SLC6A15: variants seen among roughly 807,000 people sequenced by gnomAD.
SLC6A15 encodes the protein solute carrier family 6 member 15.
In SLC6A15, 33 loss-of-function variants were observed where a neutral mutation model predicts 68.5. The ratio of observed to expected loss-of-function variants is 0.48; its 90% confidence interval spans 0.37 to 0.64. SLC6A15 has a LOEUF of 0.64. Among genes scored for constraint, SLC6A15 ranks in the 30% least tolerant of loss-of-function variants. The pLI, the probability that SLC6A15 is intolerant of heterozygous loss-of-function variation, is 0.00. For synonymous variants in SLC6A15, 347 were observed against 301.0 expected, an observed-to-expected ratio of 1.15 and a Z score of -1.58; for missense variants, 747 against 874.3, an observed-to-expected ratio of 0.85 and a Z score of 1.84.
chr12:84,890,623 A>G (rs1872344513), intron 2 of SLC6A15, among the ~76,000 whole-genome samples: 1 of 152,302 alleles, frequency 6.6e-6, no homozygotes, highest in African/African-American at 2.4e-5. Context: ...TGCCAAATGG[A>G]CTACTTTTTC....
intron 2 of SLC6A15, among the ~76,000 whole-genome samples, chr12:84,890,863 T>A (rs2120670822): frequency 6.6e-6 from 1 of 152,340 alleles, no homozygotes; most frequent in Non-Finnish European, 1.5e-5. Context: ...AATACCAAAA[T>A]ATTCTTTATA....
chr12:84,868,284 A>G (rs1322453896), intron 9 of SLC6A15, among the ~76,000 whole-genome samples: 1 of 152,224 alleles, frequency 6.6e-6, no homozygotes, highest in African/African-American at 2.4e-5. Flanking sequence ...TTAAATTTAA[A>G]TGCTTATCAC....
chr12:84,892,818 A>G lies in SLC6A15; in HGVS notation c.-188-510T>C, dbSNP rs929410791. Among the ~76,000 whole-genome samples the G allele has an allele frequency of 3.7e-4, 56 of 152,104 alleles. 1 individual carries two copies. The highest frequency in any genetic ancestry group is 7.2e-4 in the Admixed American group (11 of 15,264). The stretch of plus-strand genomic sequence containing the variant: ...TTTATTTTATTTTATTTTTGGAGAC[A>G]GGGTCCCACTCTGTCACCCAGGCTG... On this transcript the variant is annotated intron_variant, in intron 1 of 11. Coordinates refer to ENST00000266682, the MANE Select transcript of SLC6A15 (RefSeq NM_182767.6).
intron 1 of SLC6A15, among the ~76,000 whole-genome samples, chr12:84,911,105 T>C (rs1565736654): frequency 6.6e-6 from 1 of 152,064 alleles, no homozygotes; most frequent in African/African-American, 2.4e-5. Flanking sequence ...CTTGCAGAAA[T>C]GAGGTTGGGT....
intron 3 of SLC6A15, 77 bp from the exon 4 acceptor site, chr12:84,885,638 T>G: frequency 7.2e-7 from 1 of 1,392,356 alleles, no homozygotes; most frequent in Non-Finnish European, 9.8e-7. Context: ...GCATAAAATT[T>G]TATTTAACAT....
At chr12:84,903,790 C>G (rs11116649) in intron 1 of SLC6A15, among the ~76,000 whole-genome samples, 18,558 of 152,092 alleles carry the variant, frequency 0.12, 1,249 homozygotes, top group South Asian at 0.26. Flanking sequence ...CATCTCAATA[C>G]TATATCTGCA....
rs767784176 is a variant in SLC6A15, at chr12:84,870,498, A to C, written c.1475T>G (p.Val492Gly). The change falls in exon 9 of 12, where the codon GTG becomes GGG. Residue 492 changes from valine to glycine, a missense_variant. Coordinates refer to ENST00000266682, the MANE Select transcript of SLC6A15 (RefSeq NM_182767.6). The stretch of plus-strand genomic sequence containing the variant: ...CTCACCAGTAAGAATTTCTTTCCTC[A>C]CTTTGAAAGTGTCCACAATAGGCGT... ...IVTPIVDTFK[V>G]RKEILTVICC... The C allele has an allele frequency of 6.6e-7, 1 of 1,520,028 alleles. No individual in the cohort carries two copies. Among genetic ancestry groups the C allele is most frequent in the Non-Finnish European group, 8.8e-7 (1 of 1,132,658 alleles). 94.2% of individuals were successfully genotyped at this position (1,520,028 alleles called of 1,614,324 possible).
intron 5 of SLC6A15, chr12:84,882,155 G>A (rs1871849254): frequency 6.1e-6 from 6 of 985,330 alleles, no homozygotes; most frequent in Non-Finnish European, 7.2e-6. Flanking sequence ...GGTAGTAAGA[G>A]AACCTGAGTA....
intron 1 of SLC6A15, among the ~76,000 whole-genome samples, chr12:84,910,776 G>C (rs548104255): frequency 6.6e-6 from 1 of 152,308 alleles, no homozygotes. Context: ...CCGCGGAGCA[G>C]CAAGCCATAC....
chr12:84,874,905 T>C (rs1032129963), intron 6 of SLC6A15, among the ~76,000 whole-genome samples: 1 of 152,162 alleles, frequency 6.6e-6, no homozygotes, highest in African/African-American at 2.4e-5. Context: ...TCATATTGAG[T>C]ATCACATCCT....
At chr12:84,889,358 C>T (rs1872273853) in intron 2 of SLC6A15, among the ~76,000 whole-genome samples, 2 of 151,888 alleles carry the variant, frequency 1.3e-5, no homozygotes, top group Admixed American at 1.3e-4. Context: ...GGCGCGGTGG[C>T]GGGCGCCTGC....
rs144742784 is a variant in SLC6A15, at chr12:84,863,709, G to A, written c.1656-108C>T. The A allele has an allele frequency of 2.2e-4, 164 of 741,260 alleles. No homozygotes were observed. In the African/African-American group the frequency reaches 2.8e-3, roughly 12 times the overall value. 45.9% of individuals were successfully genotyped at this position (741,260 alleles called of 1,614,324 possible). ...CAAACATTTACCATTGATACCCTAT[G>A]ACATTTTATACTGTATCAAAGTTCC... On this transcript the variant is annotated intron_variant, in intron 10 of 11. Transcript: ENST00000266682.
intron 5 of SLC6A15, chr12:84,881,506 T>A (rs575490924): frequency 1.0e-6 from 1 of 985,292 alleles, no homozygotes; most frequent in African/African-American, 1.7e-5. Flanking sequence ...GTATTGCAGA[T>A]GTGGTCCAAC....
intron 11 of SLC6A15, 48 bp from the exon 12 acceptor site, chr12:84,862,054 A>T: frequency 6.7e-7 from 1 of 1,499,744 alleles, no homozygotes; most frequent in Non-Finnish European, 8.9e-7. Flanking sequence ...CTTTCTTTGC[A>T]CATACATAAA....
At chr12:84,863,943 TTC>T (rs1870960554) in intron 10 of SLC6A15, among the ~76,000 whole-genome samples, 1 of 151,400 alleles carries the variant, frequency 6.6e-6, no homozygotes, top group African/African-American at 2.4e-5. Flanking sequence ...TAGAAATTAT[TTC>T]TTTTAGTAAT....
intron 1 of SLC6A15, among the ~76,000 whole-genome samples, chr12:84,895,357 TTTTTTTTTTTG>T (rs1872597272): frequency 7.9e-6 from 1 of 127,176 alleles, no homozygotes. Context: ...TTTTTTTTTT[TTTTTTTTTTTG>T]AGATGGAGTC....
At position 84,861,468 on chromosome 12, in the gene SLC6A15, A is replaced by G; in HGVS notation, c.*164T>C. On this transcript the variant is annotated 3_prime_UTR_variant, in exon 12 of 12. Transcript: ENST00000266682. Reference sequence around the variant, plus strand: ...GCACAAATGTAAACCAAAGAATCCAAAAGAATGCTCAAGTTGAACTGACAT... The same window carrying G: ...GCACAAATGTAAACCAAAGAATCCAGAAGAATGCTCAAGTTGAACTGACAT... 1 of 732,834 alleles carries G rather than the reference A, an allele frequency of 1.4e-6. No homozygotes were observed. 45.4% of individuals were successfully genotyped at this position (732,834 alleles called of 1,614,324 possible).
chr12:84,890,987 A>T (rs1872363905), intron 2 of SLC6A15, among the ~76,000 whole-genome samples: 1 of 152,148 alleles, frequency 6.6e-6, no homozygotes, highest in Non-Finnish European at 1.5e-5. Flanking sequence ...AGATAATAAC[A>T]TTTCAATCCA....
intron 1 of SLC6A15, among the ~76,000 whole-genome samples, chr12:84,910,916 C>T (rs1855005991): frequency 7.3e-6 from 1 of 136,504 alleles, no homozygotes; most frequent in South Asian, 2.2e-4. Context: ...TGCTGTTGAG[C>T]CGCCCTCTTT....
Sources: gnomAD v4.1 joint callset for allele counts (sites outside exome capture counted in the v4.1 genomes callset) on GRCh38, gnomAD v4.1.1 for gene constraint, MANE v1.5 for transcripts, NCBI Gene and HGNC (gene_info 2026-07-23, HGNC 2026-07-21) for gene names.